The following IL1RAPL1 variants were observed in gnomAD, a reference collection of about 807,000 sequenced individuals.
IL1RAPL1 encodes interleukin 1 receptor accessory protein like 1, also known as interleukin-1 receptor accessory protein-like 1.
A neutral mutation model predicts 48.4 loss-of-function variants in IL1RAPL1; 3 were observed. The observed-to-expected ratio is 0.06, with a 90% CI of 0.03 to 0.16. IL1RAPL1 has a LOEUF of 0.16. Among genes scored for constraint, IL1RAPL1 ranks in the 10% least tolerant of loss-of-function variants. The pLI is 1.00. For missense variants in IL1RAPL1, 349 were observed against 530.6 expected (o/e 0.66, Z 3.36); for synonymous variants, 185 against 187.7 (o/e 0.99, Z 0.12).
intron 2 of IL1RAPL1, among the ~76,000 whole-genome samples, chrX:29,122,316 G>T (rs972575364): frequency 9.1e-6 from 1 of 109,848 alleles, no homozygotes; most frequent in African/African-American, 3.3e-5. Context: ...TTTTCTAACT[G>T]TAAGAGTTAA....
At chrX:28,648,113 G>T (rs991507689) in intron 1 of IL1RAPL1, among the ~76,000 whole-genome samples, 2 of 111,002 alleles carry the variant, frequency 1.8e-5, no homozygotes, top group African/African-American at 3.3e-5. Context: ...AACCAGGCTC[G>T]TTCCTGCACT....
chrX:29,729,192 A>T (rs1198363561), intron 6 of IL1RAPL1, among the ~76,000 whole-genome samples: 1 of 111,884 alleles, frequency 8.9e-6, no homozygotes, highest in Non-Finnish European at 1.9e-5. Flanking sequence ...TCAGCTTGTA[A>T]GTGAACATCT....
chrX:29,696,531 G>T (rs1336348870), intron 6 of IL1RAPL1, among the ~76,000 whole-genome samples: 1 of 111,817 alleles, frequency 8.9e-6, no homozygotes, highest in African/African-American at 3.2e-5. Context: ...AATGCAATTT[G>T]ATCAGTGGAA....
chrX:28,884,283 A>T (rs188343607), intron 2 of IL1RAPL1, among the ~76,000 whole-genome samples: 1 of 112,091 alleles, frequency 8.9e-6, no homozygotes, highest in African/African-American at 3.2e-5. Context: ...CATACACAAA[A>T]TACAGAAATA....
At chrX:29,597,017 A>G (rs745507998) in intron 5 of IL1RAPL1, among the ~76,000 whole-genome samples, 2 of 111,367 alleles carry the variant, frequency 1.8e-5, no homozygotes, top group Admixed American at 9.5e-5. Flanking sequence ...AATTCTGTTT[A>G]TGTGTTATAT....
At chrX:29,306,049 G>C (rs1293890571) in intron 3 of IL1RAPL1, among the ~76,000 whole-genome samples, 1 of 111,368 alleles carries the variant, frequency 9.0e-6, no homozygotes, top group Non-Finnish European at 1.9e-5. Flanking sequence ...CTTGGTTGGG[G>C]GTGATGGGAA....
At chrX:29,574,300 G>T (rs935857312) in intron 5 of IL1RAPL1, 1 of 108,676 alleles carries the variant, frequency 9.2e-6, no homozygotes, top group Non-Finnish European at 1.9e-5. Context: ...ATGTCAGATT[G>T]TAATTCCCAG....
intron 6 of IL1RAPL1, among the ~76,000 whole-genome samples, chrX:29,722,609 C>G (rs1460089896): frequency 1.8e-5 from 2 of 111,631 alleles, no homozygotes; most frequent in Non-Finnish European, 3.8e-5. Flanking sequence ...AGACTTTCTC[C>G]TATTTTGACA....
At chrX:29,389,450 CCCATGT>C (rs1933827909) in intron 3 of IL1RAPL1, among the ~76,000 whole-genome samples, 1 of 109,694 alleles carries the variant, frequency 9.1e-6, no homozygotes, top group Non-Finnish European at 1.9e-5. Flanking sequence ...TAATCTTGAA[CCCATGT>C]CCTGGGCCTC....
At chrX:29,058,832 A>C (rs533171057) in intron 2 of IL1RAPL1, among the ~76,000 whole-genome samples, 2 of 112,101 alleles carry the variant, frequency 1.8e-5, no homozygotes, top group African/African-American at 6.5e-5. Context: ...TCTTCAGCTC[A>C]TAGTTTGTGT....
intron 6 of IL1RAPL1, among the ~76,000 whole-genome samples, chrX:29,855,654 G>A (rs753417721): frequency 5.4e-5 from 6 of 110,905 alleles, no homozygotes; most frequent in East Asian, 2.8e-4. Flanking sequence ...GGAACTGCAC[G>A]AGTGGCAGAG....
chrX:29,935,934 G>T (rs1288838104), intron 8 of IL1RAPL1, among the ~76,000 whole-genome samples: 3 of 111,416 alleles, frequency 2.7e-5, no homozygotes, highest in Non-Finnish European at 5.7e-5. Flanking sequence ...TCCATTCAGG[G>T]ATCATTTTTA....
In IL1RAPL1 at chrX:29,801,045, CAAAAAAAAAAAAAAAAA is replaced by C. The variant is rs60240258; in HGVS notation, c.779-116400_779-116384del. On this transcript the variant is annotated intron_variant, in intron 6 of 10. Transcript: ENST00000378993. ...AAAAAAAAAAAAAAACTCTCCGTCT[CAAAAAAAAAAAAAAAAA>C]AAAAAAAAAAAAAAAAAACTCATCT... 5.0e-3 allele frequency among the ~76,000 whole-genome samples: 11 copies of C among 2,209 alleles called. No individual in the cohort carries two copies. In the East Asian group the frequency reaches 0.15, roughly 30 times the overall value. 1.9% of individuals were successfully genotyped at this position (2,209 alleles called of 115,157 possible).
intron 2 of IL1RAPL1, among the ~76,000 whole-genome samples, chrX:29,085,346 A>T (rs1467530648): frequency 1.8e-5 from 2 of 111,284 alleles, no homozygotes; most frequent in African/African-American, 3.3e-5. Flanking sequence ...TGATCATGAG[A>T]AAAAGAAAAG....
intron 2 of IL1RAPL1, among the ~76,000 whole-genome samples, chrX:29,231,842 A>C (rs1365399812): frequency 8.9e-6 from 1 of 112,245 alleles, no homozygotes; most frequent in Non-Finnish European, 1.9e-5. Flanking sequence ...ATAAAGGTTC[A>C]CAAGCCATAC....
At chrX:29,427,320 C>G (rs771097078) in intron 5 of IL1RAPL1, among the ~76,000 whole-genome samples, 2 of 112,303 alleles carry the variant, frequency 1.8e-5, no homozygotes, top group African/African-American at 6.5e-5. Flanking sequence ...AGAGGTGTGA[C>G]AAACCCTATT....
chrX:29,165,419 T>G (rs1477630181), intron 2 of IL1RAPL1, among the ~76,000 whole-genome samples: 2 of 112,532 alleles, frequency 1.8e-5, no homozygotes, highest in Non-Finnish European at 3.7e-5. Flanking sequence ...GATTGTTTAC[T>G]CTATCAGGTT....
intron 5 of IL1RAPL1, among the ~76,000 whole-genome samples, chrX:29,491,145 C>T (rs1935156056): frequency 9.0e-6 from 1 of 111,510 alleles, no homozygotes; most frequent in South Asian, 3.7e-4. Context: ...ATACATATCT[C>T]CTTATCTGAA....
At chrX:29,187,305 T>C (rs1200932383) in intron 2 of IL1RAPL1, among the ~76,000 whole-genome samples, 1 of 111,555 alleles carries the variant, frequency 9.0e-6, no homozygotes, top group African/African-American at 3.3e-5. Flanking sequence ...TTATGACATG[T>C]GTAAGACTTG....
Sources: allele counts gnomAD v4.1 joint callset (sites outside exome capture counted in the v4.1 genomes callset), GRCh38; gene constraint gnomAD v4.1.1; transcripts MANE v1.5; gene names NCBI Gene and HGNC (gene_info 2026-07-23, HGNC 2026-07-21).